The following PLXNA4 variants were observed in gnomAD, a reference collection of about 807,000 sequenced individuals.
PLXNA4 encodes plexin-A4.
In PLXNA4, 44 loss-of-function variants were observed where a neutral mutation model predicts 191.8. That is an observed-to-expected ratio of 0.23 (90% CI 0.18 to 0.29). PLXNA4 has a LOEUF of 0.29. PLXNA4 is among the 10% of genes least tolerant of loss of function. The probability of loss-of-function intolerance (pLI) is 1.00; values close to 1 mark genes in which losing one functional copy is unlikely to be tolerated. For synonymous variants in PLXNA4, 1,082 were observed against 1,009.5 expected, an observed-to-expected ratio of 1.07 and a Z score of -1.36; for missense variants, 1,800 against 2,488.8, an observed-to-expected ratio of 0.72 and a Z score of 5.89.
chr7:132,316,141 C>T (rs1203141483), intron 3 of PLXNA4, among the ~76,000 whole-genome samples: 1 of 152,146 alleles, frequency 6.6e-6, no homozygotes, highest in East Asian at 1.9e-4. Context: ...ATTCCTTTAA[C>T]AAAGTGAACG....
chr7:132,213,038 T>A (rs1341164674), intron 9 of PLXNA4, among the ~76,000 whole-genome samples: 1 of 152,152 alleles, frequency 6.6e-6, no homozygotes, highest in Non-Finnish European at 1.5e-5. Context: ...GTAAACAAAA[T>A]GTGGCCTATT....
chr7:132,505,657 A>AG (rs1798438041), intron 2 of PLXNA4, among the ~76,000 whole-genome samples: 1 of 152,186 alleles, frequency 6.6e-6, no homozygotes, highest in East Asian at 1.9e-4. Context: ...ACCTTGGGCA[A>AG]TTCATTCAGC....
At chr7:132,153,079 C>T (rs1795692733) in intron 25 of PLXNA4, among the ~76,000 whole-genome samples, 1 of 152,142 alleles carries the variant, frequency 6.6e-6, no homozygotes, top group Non-Finnish European at 1.5e-5. Flanking sequence ...TGTGCAAGAG[C>T]CTGCTGGTCA....
intron 3 of PLXNA4, among the ~76,000 whole-genome samples, chr7:132,383,229 G>A (rs1017373625): frequency 6.6e-6 from 1 of 151,914 alleles, no homozygotes; most frequent in African/African-American, 2.4e-5. Context: ...AGACCCCCTC[G>A]AGAAAAGACC....
At chr7:132,604,907 G>A (rs1244106161) in intron 2 of PLXNA4, among the ~76,000 whole-genome samples, 3 of 152,120 alleles carry the variant, frequency 2.0e-5, no homozygotes, top group Non-Finnish European at 4.4e-5. Context: ...CAACCCTCCT[G>A]GTCCTGCACT....
chr7:132,556,771 G>A (rs910937627), intron 1 of PLXNA4, among the ~76,000 whole-genome samples: 4 of 152,230 alleles, frequency 2.6e-5, no homozygotes, highest in Non-Finnish European at 4.4e-5. Context: ...GTTGAATGAA[G>A]ACTGAGAGTC....
At chr7:132,520,587 G>T (rs1055868046) in intron 1 of PLXNA4, among the ~76,000 whole-genome samples, 1 of 152,184 alleles carries the variant, frequency 6.6e-6, no homozygotes, top group Non-Finnish European at 1.5e-5. Flanking sequence ...ATTCCCTTCT[G>T]CAGACTGGTG....
intron 2 of PLXNA4, among the ~76,000 whole-genome samples, chr7:132,626,295 C>A (rs1803371552): frequency 6.6e-6 from 1 of 152,258 alleles, no homozygotes; most frequent in African/African-American, 2.4e-5. Flanking sequence ...GCCCAGATTC[C>A]CTCTCAATCT....
At chr7:132,597,110 T>C (rs1267101491) in intron 2 of PLXNA4, among the ~76,000 whole-genome samples, 1 of 152,234 alleles carries the variant, frequency 6.6e-6, no homozygotes, top group Admixed American at 6.5e-5. Flanking sequence ...AGCCCGGTGC[T>C]ATGGGCTTTG....
chr7:132,390,935 G>A (rs748484108), intron 3 of PLXNA4, among the ~76,000 whole-genome samples: 17 of 152,166 alleles, frequency 1.1e-4, no homozygotes, highest in Admixed American at 3.3e-4. Context: ...CTCAAAAGCC[G>A]GTAAGCAGAG....
chr7:132,526,850 C>T (rs943747185), intron 1 of PLXNA4, among the ~76,000 whole-genome samples: 1 of 152,150 alleles, frequency 6.6e-6, no homozygotes, highest in African/African-American at 2.4e-5. Flanking sequence ...CATGCCTAAA[C>T]TTTAAGGGGT....
At chr7:132,317,780 C>A (rs1278415765) in intron 3 of PLXNA4, among the ~76,000 whole-genome samples, 2 of 152,176 alleles carry the variant, frequency 1.3e-5, no homozygotes, top group African/African-American at 2.4e-5. Flanking sequence ...AAAGTCAGCA[C>A]AGCATTGTGG....
intron 2 of PLXNA4, among the ~76,000 whole-genome samples, chr7:132,598,423 T>G (rs1802757602): frequency 6.6e-6 from 1 of 152,204 alleles, no homozygotes; most frequent in Non-Finnish European, 1.5e-5. Flanking sequence ...TATATATTCT[T>G]ATTGGCATGA....
At position 132,289,448 on chromosome 7, in the gene PLXNA4, A is replaced by T. The variant is rs117482458; in HGVS notation, c.1503+8643T>A. Among the ~76,000 whole-genome samples, 390 of 152,248 alleles carry T rather than the reference A, an allele frequency of 2.6e-3. 5 individuals are homozygous for T. In the East Asian group the frequency reaches 0.052, roughly 20 times the overall value. The stretch of plus-strand genomic sequence containing the variant: ...CATAGGGATATGTCACTGTTTCTTC[A>T]TGGTTGTATTCCCAATGCCTTGACT... On this transcript the variant is annotated intron_variant, in intron 4 of 31. Coordinates refer to ENST00000321063, the MANE Select transcript of PLXNA4 (RefSeq NM_020911.2).
chr7:132,594,285 T>C lies in PLXNA4; in HGVS notation c.-87+51643A>G, dbSNP rs190386162. Among the ~76,000 whole-genome samples, 25 of 152,330 alleles carry C rather than the reference T, an allele frequency of 1.6e-4. No homozygotes were observed. In the East Asian group the frequency reaches 4.8e-3, roughly 29 times the overall value. Reference sequence around the variant, plus strand: ...CATGGAGAATACCATGTTCTCCATATGGAGTTATTCTGTCTCAAGCCAAGG... The same window carrying C: ...CATGGAGAATACCATGTTCTCCATACGGAGTTATTCTGTCTCAAGCCAAGG... On this transcript the variant is annotated intron_variant, in intron 2 of 4. Transcript: ENST00000378539.
At chr7:132,172,625 C>T (rs1796323476) in intron 21 of PLXNA4, among the ~76,000 whole-genome samples, 1 of 152,136 alleles carries the variant, frequency 6.6e-6, no homozygotes, top group Admixed American at 6.5e-5. Context: ...ACACACAATC[C>T]CTCGATTTCA....
intron 4 of PLXNA4, among the ~76,000 whole-genome samples, chr7:132,288,835 C>T (rs113520305): frequency 8.5e-5 from 13 of 152,308 alleles, no homozygotes; most frequent in African/African-American, 2.9e-4. Context: ...CCACAACAGC[C>T]TCTTCTATCA....
intron 4 of PLXNA4, chr7:132,264,232 T>C (rs1400230686): frequency 6.6e-6 from 1 of 152,232 alleles, no homozygotes; most frequent in Non-Finnish European, 1.5e-5. Flanking sequence ...TGGTAATTGC[T>C]ATGAAGGAAT....
intron 1 of PLXNA4, among the ~76,000 whole-genome samples, chr7:132,526,311 C>T (rs940572361): frequency 1.3e-5 from 2 of 152,202 alleles, no homozygotes; most frequent in African/African-American, 2.4e-5. Flanking sequence ...GCAGCCCTCC[C>T]GTTAATCTCC....
Sources: allele counts gnomAD v4.1 joint callset (sites outside exome capture counted in the v4.1 genomes callset), GRCh38; gene constraint gnomAD v4.1.1; transcripts MANE v1.5; gene names NCBI Gene and HGNC (gene_info 2026-07-23, HGNC 2026-07-21).